The following GLMN variants were observed in gnomAD, a reference collection of about 807,000 sequenced individuals.
The protein encoded by GLMN is glomulin.
Under a neutral mutation model 87.8 loss-of-function variants are expected in GLMN, and 75 were observed. The ratio of observed to expected loss-of-function variants is 0.85; its 90% CI spans 0.71 to 1.04. The LOEUF (loss-of-function observed/expected upper bound fraction) is 1.04, where lower values mean the gene tolerates loss of function less well. Ranked by LOEUF, GLMN falls within the 50% of genes least tolerant of loss-of-function variation. GLMN has a pLI of 0.00. For missense variants in GLMN, 588 were observed against 658.8 expected (o/e 0.89, Z 1.18); for synonymous variants, 206 against 221.6 (o/e 0.93, Z 0.63).
In GLMN at chr1:92,271,505, C is replaced by A. The variant is rs1570909504; in HGVS notation, c.883G>T (p.Val295Leu). ...AGCTGATCAATATGGATGCCCTGTACAAATACTAGATATGCCAGAGAAGCC... is the reference window on the plus strand; with the variant it reads ...AGCTGATCAATATGGATGCCCTGTAAAAATACTAGATATGCCAGAGAAGCC... ...SMASLAYLVF[V>L]QGIHIDQLPM... The change falls in exon 8 of 19, where the codon GTA (valine) becomes TTA (leucine). Residue 295 changes from valine to leucine, a missense_variant. Transcript: ENST00000370360. 1.2e-6 allele frequency: 2 copies of A among 1,613,270 alleles called. No homozygotes were observed. The highest frequency in any genetic ancestry group is 8.5e-7 in the Non-Finnish European group (1 of 1,179,366).
At chr1:92,256,617 C>T (rs1385005893) in intron 16 of GLMN, among the ~76,000 whole-genome samples, 5 of 152,086 alleles carry the variant, frequency 3.3e-5, no homozygotes, top group South Asian at 2.1e-4. Context: ...AATCAATAAA[C>T]GTAATCCATT....
chr1:92,268,146 A>C lies in GLMN; in HGVS notation c.978-11T>G. On this transcript the variant is annotated splice_polypyrimidine_tract_variant and intron_variant, in intron 9 of 18. Coordinates refer to ENST00000370360, the MANE Select transcript of GLMN (RefSeq NM_053274.3). The stretch of plus-strand genomic sequence containing the variant: ...ACAGACTCTTCTGTTCTGAAAAATA[A>C]TATTAAAATTTATCATGAATTTGTA... The C allele has an allele frequency of 2.3e-6, 3 of 1,319,676 alleles. No homozygotes were observed. The highest frequency in any genetic ancestry group is 3.3e-6 in the Non-Finnish European group (3 of 916,774). The allele number at this position is 1,319,676 out of a possible 1,614,324, so 81.7% of individuals were successfully genotyped here.
intron 3 of GLMN, 95 bp downstream of exon 3, chr1:92,297,309 T>C: frequency 2.0e-6 from 3 of 1,510,146 alleles, no homozygotes; most frequent in Non-Finnish European, 2.7e-6. Flanking sequence ...TTTAAGTAGA[T>C]TCTTAAATGT....
At chr1:92,307,163 A>T in the GLMN span, 1 of 1,520,382 alleles carries the variant, frequency 6.6e-7, no homozygotes, top group Non-Finnish European at 9.1e-7. Flanking sequence ...TAAGAAAAAA[A>T]CTAGATTTAT....
chr1:92,358,439 A>G, the GLMN span, among the ~76,000 whole-genome samples: 1 of 152,164 alleles, frequency 6.6e-6, no homozygotes, highest in Non-Finnish European at 1.5e-5. Flanking sequence ...CTGACTAGAT[A>G]AAATATCTCT....
upstream of GLMN, among the ~76,000 whole-genome samples, chr1:92,300,639 T>A (rs1650772405): frequency 6.6e-6 from 1 of 152,124 alleles, no homozygotes. Context: ...TAGTTCTGGT[T>A]CTAAAAAGGC....
the GLMN span, chr1:92,345,723 TAAC>T: frequency 1.6e-6 from 1 of 609,110 alleles, no homozygotes. Context: ...CTGTCAAATA[TAAC>T]AAGTATTTTA....
chr1:92,274,425 C>T (rs1340593993), intron 7 of GLMN, among the ~76,000 whole-genome samples: 3 of 152,094 alleles, frequency 2.0e-5, no homozygotes, highest in Non-Finnish European at 4.4e-5. Context: ...TCCTTTGATG[C>T]AGATAACATA....
At chr1:92,311,274 A>C in the GLMN span, among the ~76,000 whole-genome samples, 22 of 152,290 alleles carry the variant, frequency 1.4e-4, no homozygotes, top group African/African-American at 5.3e-4. Context: ...CTTTGGTTCT[A>C]ATGATTTACA....
rs145171170 is a variant in GLMN, at chr1:92,272,365, A to G, written c.736-713T>C. ...AGTTTGCAGGAATTTGTTATACAGC[A>G]ATGAAAAACTAATACAGAAGCCAAC... On this transcript the variant is annotated intron_variant, in intron 7 of 18. Coordinates refer to ENST00000370360, the MANE Select transcript of GLMN (RefSeq NM_053274.3). 1.2e-4 allele frequency among the ~76,000 whole-genome samples: 19 copies of G among 152,360 alleles called. No homozygotes were observed. In the East Asian group the frequency reaches 3.7e-3, roughly 29 times the overall value.
At chr1:92,266,762 A>G in intron 11 of GLMN, 21 bp from the exon 12 acceptor site, 3 of 1,557,616 alleles carry the variant, frequency 1.9e-6, no homozygotes, top group Non-Finnish European at 2.7e-6. Flanking sequence ...AAAAATGTAA[A>G]ATTCAGATGT....
At chr1:92,363,746 A>G in the GLMN span, 1 of 367,998 alleles carries the variant, frequency 2.7e-6, no homozygotes, top group Non-Finnish European at 5.4e-6. Context: ...GACCTTTATG[A>G]TGATCTACTT....
intron 16 of GLMN, among the ~76,000 whole-genome samples, chr1:92,258,901 A>T (rs1654630883): frequency 6.6e-6 from 1 of 150,488 alleles, no homozygotes; most frequent in Non-Finnish European, 1.5e-5. Flanking sequence ...AAGTATTGAA[A>T]AAAAACCAAA....
chr1:92,359,591 A>ATT, the GLMN span, among the ~76,000 whole-genome samples: 1 of 152,218 alleles, frequency 6.6e-6, no homozygotes, highest in Non-Finnish European at 1.5e-5. Context: ...AAGTGCTGGG[A>ATT]TTATAGGCAT....
At chr1:92,349,548 TTTA>T in the GLMN span, among the ~76,000 whole-genome samples, 1 of 152,224 alleles carries the variant, frequency 6.6e-6, no homozygotes, top group Non-Finnish European at 1.5e-5. Flanking sequence ...TTTTCACACC[TTTA>T]TTCTTAAAGG....
chr1:92,302,590 ATTTTTTTTTTTTTTT>A (rs36067595), upstream of GLMN, among the ~76,000 whole-genome samples: 2 of 74,316 alleles, frequency 2.7e-5, no homozygotes, highest in Non-Finnish European at 4.6e-5. Flanking sequence ...TCCGCATTAA[ATTTTTTTTTTTTTTT>A]TTTTTTTTTT....
Position 92,298,019 on chromosome 1 carries a change from G to A in GLMN, c.-20C>T, listed in dbSNP as rs1486114047. ...AGCCATTCTTATTTCTCCTAGTTTC[G>A]ATGCTAAAATCTACAAATACAAAAC... On this transcript the variant is annotated 5_prime_UTR_variant, in exon 2 of 19. Transcript: ENST00000370360. 10 of 1,440,622 alleles carry A rather than the reference G, an allele frequency of 6.9e-6. No individual in the cohort carries two copies. Among genetic ancestry groups the A allele is most frequent in the Admixed American group, 1.7e-5 (1 of 59,634 alleles). 89.2% of individuals were successfully genotyped at this position (1,440,622 alleles called of 1,614,324 possible). A position where few individuals can be genotyped will look rare whatever the true frequency, so the allele number is the denominator to read the frequency against.
intron 9 of GLMN, 71 bp downstream of exon 9, chr1:92,269,650 GTC>G: frequency 2.1e-6 from 2 of 963,732 alleles, no homozygotes; most frequent in Non-Finnish European, 3.4e-6. Flanking sequence ...AGAAAAGGCA[GTC>G]TCCGCTGATC....
chr1:92,352,309 C>A, the GLMN span, among the ~76,000 whole-genome samples: 2 of 152,162 alleles, frequency 1.3e-5, no homozygotes, highest in African/African-American at 4.8e-5. Context: ...TGACCATGAT[C>A]GCTAAACAAA....
Sources: allele counts gnomAD v4.1 joint callset (sites outside exome capture counted in the v4.1 genomes callset), GRCh38; gene constraint gnomAD v4.1.1; transcripts MANE v1.5; gene names NCBI Gene and HGNC (gene_info 2026-07-23, HGNC 2026-07-21).